Variants in DOCK7 observed in about 807,000 individuals in gnomAD.
DOCK7 encodes the protein dedicator of cytokinesis protein 7.
In DOCK7, 138 loss-of-function variants were observed where a neutral mutation model predicts 271.0. That is an observed-to-expected ratio of 0.51 (90% CI 0.44 to 0.59). The LOEUF is 0.59. Among genes scored for constraint, DOCK7 ranks in the 20% least tolerant of loss-of-function variants. The pLI is 0.00. For missense variants in DOCK7, 2,066 were observed against 2,592.4 expected (o/e 0.80, Z 4.41); for synonymous variants, 823 against 876.1 (o/e 0.94, Z 1.07).
intron 18 of DOCK7, among the ~76,000 whole-genome samples, chr1:62,566,149 T>C (rs1646507521): frequency 6.6e-6 from 1 of 152,142 alleles, no homozygotes; most frequent in African/African-American, 2.4e-5. Context: ...ACAGATTCAA[T>C]GCCATCCCCA....
rs1369333243 is a variant in DOCK7, at chr1:62,529,518, A to G, written c.3612-72T>C. The G allele has an allele frequency of 3.3e-6, 4 of 1,218,010 alleles. No homozygotes were observed. The African/African-American group carries it at 6.1e-5, about 19-fold the overall frequency. 75.5% of individuals were successfully genotyped at this position (1,218,010 alleles called of 1,614,324 possible). On this transcript the variant is annotated intron_variant, in intron 29 of 49. Transcript: ENST00000635253. ...GAGATTAGCTAACATCTTTAAAACA[A>G]ACAGTAAGTCATGGTATTGAATAAA...
chr1:62,496,790 A>G (rs954121583), intron 37 of DOCK7, among the ~76,000 whole-genome samples: 1 of 152,194 alleles, frequency 6.6e-6, no homozygotes, highest in Non-Finnish European at 1.5e-5. Flanking sequence ...TGTTATTAAT[A>G]TAACATTTTA....
chr1:62,528,448 A>G, intron 30 of DOCK7, 143 bp from the exon 31 acceptor site: 1 of 762,314 alleles, frequency 1.3e-6, no homozygotes, highest in Non-Finnish European at 1.9e-6. Flanking sequence ...TATTTTAAAT[A>G]TCTTTAACAG....
At chr1:62,474,389 G>A (rs566780307) in intron 47 of DOCK7, among the ~76,000 whole-genome samples, 1 of 152,270 alleles carries the variant, frequency 6.6e-6, no homozygotes, top group South Asian at 2.1e-4. Context: ...ATTCTTTAAT[G>A]TATCCTGGAT....
intron 14 of DOCK7, 65 bp downstream of exon 14, chr1:62,618,641 T>C: frequency 7.2e-7 from 1 of 1,395,398 alleles, no homozygotes; most frequent in South Asian, 1.2e-5. Flanking sequence ...TTATTCTAGT[T>C]ATACTTTAAT....
At chr1:62,564,007 A>T (rs530203301) in intron 18 of DOCK7, among the ~76,000 whole-genome samples, 4 of 152,288 alleles carry the variant, frequency 2.6e-5, no homozygotes, top group African/African-American at 9.6e-5. Flanking sequence ...GATCAATGCA[A>T]TAACAAGAGC....
Position 62,577,304 on chromosome 1 carries a change from T to C in DOCK7, c.2070A>G (p.Ser690=). Residue 690 remains serine, a synonymous_variant, in exon 18 of 50, where the codon TCA becomes TCG. Coordinates refer to ENST00000635253, the MANE Select transcript of DOCK7 (RefSeq NM_001367561.1). ...AATAAGCCTGTGGTGGTTTTTCCAA[T>C]GAGACTGGCAAGCAAAACTGGCCAG... ...LKTGQFCLPV[S]LEKPPQAYSV... 1.9e-6 allele frequency: 3 copies of C among 1,592,190 alleles called. No individual in the cohort carries two copies. The highest frequency in any genetic ancestry group is 1.7e-4 in the Middle Eastern group (1 of 5,970).
At chr1:62,579,135 T>C (rs191376430) in intron 16 of DOCK7, among the ~76,000 whole-genome samples, 169 bp from the exon 17 acceptor site, 158 of 152,326 alleles carry the variant, frequency 1.0e-3, no homozygotes, top group African/African-American at 3.6e-3. Flanking sequence ...CTTACTTCCA[T>C]ATAAGAGAGC....
chr1:62,593,633 T>C (rs1195880015), intron 14 of DOCK7, among the ~76,000 whole-genome samples: 1 of 152,040 alleles, frequency 6.6e-6, no homozygotes, highest in East Asian at 1.9e-4. Context: ...CTAAAAAATA[T>C]ATATGTATAA....
chr1:62,526,693 T>C (rs74964970), intron 31 of DOCK7, among the ~76,000 whole-genome samples: 4 of 152,136 alleles, frequency 2.6e-5, no homozygotes, highest in East Asian at 1.9e-4. Flanking sequence ...AACTGACAAA[T>C]GGATAAACAA....
Position 62,625,239 on chromosome 1 carries a change from C to T in DOCK7, c.1425+20G>A, listed in dbSNP as rs971619063. On this transcript the variant is annotated intron_variant, in intron 12 of 49. Transcript: ENST00000635253. ...TATGCACAAACATCTCCCCAAAATT[C>T]CTACATGACAGAACAATACCTGCTT... is the stretch of plus-strand genomic sequence containing the variant. 3 of 1,608,236 alleles carry T rather than the reference C, an allele frequency of 1.9e-6. No individual in the cohort carries two copies. In the Admixed American group the frequency reaches 5.1e-5, roughly 27 times the overall value.
chr1:62,505,576 T>C, intron 36 of DOCK7, 106 bp downstream of exon 36: 1 of 1,236,580 alleles, frequency 8.1e-7, no homozygotes. Context: ...CACATATTCA[T>C]TAATATATTA....
chr1:62,559,660 C>T (rs1207424044), intron 19 of DOCK7, among the ~76,000 whole-genome samples: 5 of 151,960 alleles, frequency 3.3e-5, no homozygotes, highest in African/African-American at 1.2e-4. Context: ...TATATACTAC[C>T]AACTTTCTTC....
chr1:62,457,831 G>A, intron 48 of DOCK7, 126 bp from the exon 49 acceptor site: 1 of 893,854 alleles, frequency 1.1e-6, no homozygotes, highest in East Asian at 2.4e-5. Flanking sequence ...GACTATATAT[G>A]TGGGCCTAAT....
intron 47 of DOCK7, among the ~76,000 whole-genome samples, chr1:62,474,557 C>A (rs1158968311): frequency 1.3e-5 from 2 of 151,762 alleles, no homozygotes; most frequent in African/African-American, 4.8e-5. Flanking sequence ...ACCTTAAAAT[C>A]GTGCATGTTT....
chr1:62,656,336 C>T (rs915241655), intron 2 of DOCK7, among the ~76,000 whole-genome samples: 1 of 151,998 alleles, frequency 6.6e-6, no homozygotes, highest in Non-Finnish European at 1.5e-5. Context: ...AATTTGATTC[C>T]TTAAAAGACA....
At chr1:62,465,612 C>A (rs1645654537) in intron 48 of DOCK7, among the ~76,000 whole-genome samples, 1 of 152,152 alleles carries the variant, frequency 6.6e-6, no homozygotes. Flanking sequence ...AGTGCAGTGG[C>A]ACAATCTCAG....
chr1:62,532,065 CAG>C (rs35664253), intron 29 of DOCK7, among the ~76,000 whole-genome samples: 59,601 of 151,928 alleles, frequency 0.39, 12,593 homozygotes, highest in African/African-American at 0.56. Context: ...ATTTATGAGA[CAG>C]AGTCTTGCTC....
chr1:62,597,698 A>C (rs774569842), intron 14 of DOCK7: 1 of 1,613,544 alleles, frequency 6.2e-7, no homozygotes, highest in Admixed American at 1.7e-5. Context: ...ACGATGTAAA[A>C]ATTTTAGCCA....
Sources: allele counts gnomAD v4.1 joint callset (sites outside exome capture counted in the v4.1 genomes callset), GRCh38; gene constraint gnomAD v4.1.1; transcripts MANE v1.5; gene names NCBI Gene and HGNC (gene_info 2026-07-23, HGNC 2026-07-21).